Variants in AFMID observed in about 807,000 individuals in gnomAD.
AFMID encodes kynurenine formamidase.
Under a neutral mutation model 47.5 loss-of-function variants are expected in AFMID, and 39 were observed. The ratio of observed to expected loss-of-function variants is 0.82; its 90% CI spans 0.64 to 1.07. The LOEUF (loss-of-function observed/expected upper bound fraction) is 1.07. Among genes scored for constraint, AFMID ranks in the 50% least tolerant of loss-of-function variants. AFMID has a pLI of 0.00. For missense variants in AFMID, 375 were observed against 387.5 expected (o/e 0.97, Z 0.27); for synonymous variants, 130 against 153.2 (o/e 0.85, Z 1.12).
At chr17:78,204,994 G>A (rs747981434) in intron 6 of AFMID, 94 bp downstream of exon 6, 1 of 1,578,932 alleles carries the variant, frequency 6.3e-7, no homozygotes, top group African/African-American at 1.3e-5. Flanking sequence ...CTGCCCCTCT[G>A]GCCTGTGGAG....
chr17:78,205,120 C>T lies in AFMID; in HGVS notation c.495C>T (p.Ala165=), dbSNP rs545743454. 2.0e-5 allele frequency: 33 copies of T among 1,612,462 alleles called. No homozygotes were observed. The South Asian group carries it at 2.1e-4, about 10-fold the overall frequency. The change falls in exon 7 of 11, where the codon GCC becomes GCT. Residue 165 remains alanine (A), a synonymous_variant. Coordinates refer to ENST00000409257, the MANE Select transcript of AFMID (RefSeq NM_001010982.5). ...GAATTTACCTGTGTGGACACTCAGC[C>T]GGGGCCCACCTGGCTGCCATGATGC... ...NKGIYLCGHS[A]GAHLAAMMLL... is the part of the protein sequence containing the mutation.
chr17:78,197,111 A>G (rs1217690227), intron 2 of AFMID: 1 of 1,524,424 alleles, frequency 6.6e-7, no homozygotes, highest in Non-Finnish European at 8.9e-7. Flanking sequence ...TGTTTTTCTT[A>G]ATCGTAGCAC....
In AFMID at chr17:78,187,569, T is replaced by A. The variant is rs933204205; in HGVS notation, c.63+136T>A. 8 of 819,124 alleles carry A rather than the reference T, an allele frequency of 9.8e-6. No homozygotes were observed. The African/African-American group carries it at 1.4e-4, about 14-fold the overall frequency. The allele number at this position is 819,124 out of a possible 1,614,324, so 50.7% of individuals were successfully genotyped here. ...TGCAGAGCGCCTAGTGCGTGCCAGG[T>A]CCCCAGTGCTTGAGCACCATGGTGT... On this transcript the variant is annotated intron_variant, in intron 1 of 10. Transcript: ENST00000409257.
chr17:78,197,297 G>A (rs2076139112), intron 2 of AFMID: 2 of 1,285,474 alleles, frequency 1.6e-6, no homozygotes, highest in African/African-American at 1.5e-5. Flanking sequence ...AGTGACAAAT[G>A]CGTCTGCCTT....
At chr17:78,199,449 C>T (rs1312683209) in intron 2 of AFMID, among the ~76,000 whole-genome samples, 7 of 151,292 alleles carry the variant, frequency 4.6e-5, no homozygotes, top group Admixed American at 1.3e-4. Flanking sequence ...AATCTCGGCT[C>T]GCTGCAACCT....
In AFMID at chr17:78,205,207, C is replaced by A. The variant is rs757095343; in HGVS notation, c.565+17C>A. 18 of 1,603,096 alleles carry A rather than the reference C, an allele frequency of 1.1e-5. No individual in the cohort carries two copies. The East Asian group carries it at 3.8e-4, about 34-fold the overall frequency. On this transcript the variant is annotated intron_variant, in intron 7 of 10. Transcript: ENST00000409257. ...ACCTCAGAGGTTTCCATGGGAGCTACAGCCTGGCTGGGCAACCTTCATCTC... is the reference window on the plus strand; with the variant it reads ...ACCTCAGAGGTTTCCATGGGAGCTAAAGCCTGGCTGGGCAACCTTCATCTC...
At chr17:78,205,409 C>T (rs1433844802) in intron 7 of AFMID, 31 bp from the exon 8 acceptor site, 3 of 1,611,324 alleles carry the variant, frequency 1.9e-6, no homozygotes, top group Non-Finnish European at 2.5e-6. Context: ...CGCCTGGAGC[C>T]TGGCCCTGTG....
At chr17:78,187,476 T>C (rs761874452) in intron 1 of AFMID, 43 bp downstream of exon 1, 4 of 1,607,276 alleles carry the variant, frequency 2.5e-6, no homozygotes, top group Non-Finnish European at 3.4e-6. Flanking sequence ...GGGGCGGAGT[T>C]AGCTCATTTA....
intron 2 of AFMID, among the ~76,000 whole-genome samples, chr17:78,194,284 G>A (rs772103758): frequency 1.3e-5 from 2 of 151,892 alleles, no homozygotes; most frequent in South Asian, 2.1e-4. Flanking sequence ...GTGCCACCAC[G>A]CCAGCTAATT....
intron 5 of AFMID, 40 bp downstream of exon 5, chr17:78,204,781 C>A: frequency 1.2e-6 from 2 of 1,614,112 alleles, no homozygotes; most frequent in Non-Finnish European, 1.7e-6. Flanking sequence ...GGCCGGTGGG[C>A]TTTAGGAGGA....
At chr17:78,200,160 G>A (rs1276187913) in intron 2 of AFMID, among the ~76,000 whole-genome samples, 1 of 151,982 alleles carries the variant, frequency 6.6e-6, no homozygotes, top group African/African-American at 2.4e-5. Flanking sequence ...GGTTTGGTTT[G>A]GTTTGGTTTG....
intron 1 of AFMID, among the ~76,000 whole-genome samples, chr17:78,187,681 A>G (rs1307266018): frequency 6.6e-6 from 1 of 152,016 alleles, no homozygotes; most frequent in East Asian, 1.9e-4. Flanking sequence ...ATATCCGTAG[A>G]CCCTGCCAGG....
chr17:78,196,513 T>C (rs1348934171), intron 2 of AFMID, among the ~76,000 whole-genome samples: 1 of 152,042 alleles, frequency 6.6e-6, no homozygotes, highest in African/African-American at 2.4e-5. Context: ...ACACCTTCTC[T>C]ACTGAAAATA....
chr17:78,194,628 G>C (rs995523852), intron 2 of AFMID, among the ~76,000 whole-genome samples: 1 of 152,146 alleles, frequency 6.6e-6, no homozygotes, highest in African/African-American at 2.4e-5. Flanking sequence ...CTGGCAGAGA[G>C]GGGGTTTAAG....
chr17:78,187,914 T>C (rs1206288722), intron 1 of AFMID, among the ~76,000 whole-genome samples: 1 of 142,556 alleles, frequency 7.0e-6, no homozygotes, highest in East Asian at 2.2e-4. Context: ...ATCATGCCAT[T>C]TGTACTCCAG....
intron 2 of AFMID, among the ~76,000 whole-genome samples, chr17:78,196,008 G>C (rs8081110): frequency 0.078 from 11,852 of 152,118 alleles, 856 homozygotes; most frequent in African/African-American, 0.19. Context: ...ACCATGCCCA[G>C]CTAATTTTTT....
At chr17:78,205,400 G>T (rs201356958) in intron 7 of AFMID, 40 bp from the exon 8 acceptor site, 1 of 1,607,436 alleles carries the variant, frequency 6.2e-7, no homozygotes, top group African/African-American at 1.3e-5. Context: ...GCCTTGCTCC[G>T]CCTGGAGCCT....
At position 78,202,572 on chromosome 17, in the gene AFMID, G is replaced by A. The variant is rs750236412; in HGVS notation, c.228G>A (p.Val76=). ...ATGGAGACGGCGAAGGGGAGAAAGT[G>A]GACATTTACTTCCCCGACGAGTCGT... ...VPYGDGEGEK[V]DIYFPDESSE... is the part of the protein sequence containing the mutation. The change falls in exon 3 of 11, where the codon GTG becomes GTA. Residue 76 remains valine (V), a synonymous_variant. Transcript: ENST00000409257. 6.2e-7 allele frequency: 1 copy of A among 1,614,138 alleles called. No homozygotes were observed. The highest frequency in any genetic ancestry group is 8.5e-7 in the Non-Finnish European group (1 of 1,180,024).
intron 4 of AFMID, 108 bp from the exon 5 acceptor site, chr17:78,204,548 G>GACA (rs2076326444): frequency 2.0e-6 from 2 of 1,016,848 alleles, no homozygotes; most frequent in Non-Finnish European, 3.1e-6. Flanking sequence ...ACCAGAAAGG[G>GACA]GTGATGCTGT....
Sources: gnomAD v4.1 joint callset for allele counts (sites outside exome capture counted in the v4.1 genomes callset) on GRCh38, gnomAD v4.1.1 for gene constraint, MANE v1.5 for transcripts, NCBI Gene and HGNC (gene_info 2026-07-23, HGNC 2026-07-21) for gene names.